TUBGCP3: variants seen among roughly 807,000 people sequenced by gnomAD.
TUBGCP3 encodes gamma-tubulin complex component 3.
A neutral mutation model predicts 123.1 loss-of-function variants in TUBGCP3; 50 were observed. The ratio of observed to expected loss-of-function variants is 0.41; its 90% CI spans 0.32 to 0.51. The LOEUF (loss-of-function observed/expected upper bound fraction) is 0.51. Among genes scored for constraint, TUBGCP3 ranks in the 20% least tolerant of loss-of-function variants. The pLI is 0.36. For missense variants in TUBGCP3, 882 were observed against 1,127.0 expected, an observed-to-expected ratio of 0.78 and a Z score of 3.11; for synonymous variants, 405 against 413.9, an observed-to-expected ratio of 0.98 and a Z score of 0.26.
intron 11 of TUBGCP3, among the ~76,000 whole-genome samples, chr13:112,539,672 G>A (rs1878341853): frequency 6.6e-6 from 1 of 152,186 alleles, no homozygotes; most frequent in Non-Finnish European, 1.5e-5. Context: ...AGTAAATACA[G>A]AACCTTTAAA....
At chr13:112,574,882 A>G (rs779993944) in intron 1 of TUBGCP3, among the ~76,000 whole-genome samples, 49 of 152,220 alleles carry the variant, frequency 3.2e-4, no homozygotes, top group Non-Finnish European at 7.1e-4. Context: ...CAAACCACAA[A>G]CAGGCAAAGA....
chr13:112,534,142 G>C (rs1877827648), intron 11 of TUBGCP3, among the ~76,000 whole-genome samples: 1 of 152,158 alleles, frequency 6.6e-6, no homozygotes, highest in East Asian at 1.9e-4. Flanking sequence ...CCCGACTCCG[G>C]GGGCTGCTGC....
chr13:112,485,469 A>G lies in TUBGCP3; in HGVS notation c.*524T>C, dbSNP rs1879594008. The G allele has an allele frequency of 6.5e-6, 1 of 152,728 alleles. No homozygotes were observed. The highest frequency in any genetic ancestry group is 2.4e-5 in the African/African-American group (1 of 41,478). The allele number at this position is 152,728 out of a possible 1,614,324, so 9.5% of individuals were successfully genotyped here. The stretch of plus-strand genomic sequence containing the variant: ...TGCATTAAGATACAAAGGATCTCAC[A>G]GAGGTTAATATTTTACAACACTAAA... On this transcript the variant is annotated 3_prime_UTR_variant, in exon 22 of 22. Transcript: ENST00000261965.
At chr13:112,543,896 A>T (rs1374850864) in intron 11 of TUBGCP3, among the ~76,000 whole-genome samples, 2 of 152,232 alleles carry the variant, frequency 1.3e-5, no homozygotes, top group African/African-American at 4.8e-5. Context: ...GGCAAAGGAA[A>T]CTAACAGGTA....
intron 6 of TUBGCP3, 69 bp from the exon 7 acceptor site, chr13:112,555,074 C>T: frequency 2.1e-6 from 2 of 954,760 alleles, no homozygotes; most frequent in Non-Finnish European, 3.2e-6. Context: ...TATTATGGTG[C>T]AATTAGCTTC....
chr13:112,533,554 T>A (rs1307735523), intron 11 of TUBGCP3, among the ~76,000 whole-genome samples: 1 of 151,900 alleles, frequency 6.6e-6, no homozygotes, highest in Non-Finnish European at 1.5e-5. Context: ...TATCTGAAAT[T>A]TATCTCTTCC....
intron 21 of TUBGCP3, among the ~76,000 whole-genome samples, chr13:112,487,701 C>T (rs761191565): frequency 1.1e-4 from 17 of 152,186 alleles, no homozygotes; most frequent in African/African-American, 2.2e-4. Flanking sequence ...TGCCTGTTCA[C>T]GGAACATGAC....
At chr13:112,595,959 A>G in the TUBGCP3 span, among the ~76,000 whole-genome samples, 3 of 152,118 alleles carry the variant, frequency 2.0e-5, no homozygotes, top group African/African-American at 7.2e-5. Flanking sequence ...TTCCCAGTGC[A>G]TCTTTTTTGA....
Position 112,587,971 on chromosome 13 carries a change from G to T in TUBGCP3, c.10C>A (p.Pro4Thr). The change falls in exon 1 of 22, where the codon CCG (proline) becomes ACG (threonine). Residue 4 changes from proline to threonine, a missense_variant. Pro to Thr is a conservative substitution (Grantham distance 38, BLOSUM62 -1). Around this residue, in one of 3 missense-constraint regions of TUBGCP3, gnomAD observed 713 missense variants for 874.0 expected, o/e 0.82. Transcript: ENST00000261965. ...AGAACGTTCGGCGACTTCTGGTCCG[G>T]GGTCGCCATCCTCGCCCGGAGCCGT... Reference protein sequence around the residue: MATPDQKSPNVLLQ... With the variant: MATTDQKSPNVLLQ... The T allele has an allele frequency of 6.3e-7, 1 of 1,587,686 alleles. No homozygotes were observed.
At chr13:112,497,383 G>C (rs1258572555) in intron 20 of TUBGCP3, among the ~76,000 whole-genome samples, 2 of 152,158 alleles carry the variant, frequency 1.3e-5, no homozygotes, top group Non-Finnish European at 2.9e-5. Flanking sequence ...TGAATGATGA[G>C]AGCCCTTAGC....
At chr13:112,547,577 TCGCGCGTGGGAAAGA>T (rs1566567571) in intron 10 of TUBGCP3, 28 bp downstream of exon 10, 1 of 1,006,966 alleles carries the variant, frequency 9.9e-7, no homozygotes, top group Non-Finnish European at 1.3e-6. Context: ...CGTGGGAAAG[TCGCGCGTGGGAAAGA>T]CGTGCGTGGG....
At chr13:112,492,535 T>TC (rs1566527392) in intron 20 of TUBGCP3, among the ~76,000 whole-genome samples, 1 of 152,032 alleles carries the variant, frequency 6.6e-6, no homozygotes, top group Admixed American at 6.6e-5. Context: ...TGACCACCTC[T>TC]CCCCCCAGAG....
At chr13:112,599,659 A>C in the TUBGCP3 span, among the ~76,000 whole-genome samples, 1 of 151,580 alleles carries the variant, frequency 6.6e-6, no homozygotes, top group African/African-American at 2.4e-5. Flanking sequence ...GGCGCATGCC[A>C]CCAGGCCCGC....
At chr13:112,518,614 A>T (rs896435855) in intron 16 of TUBGCP3, among the ~76,000 whole-genome samples, 1 of 152,232 alleles carries the variant, frequency 6.6e-6, no homozygotes, top group Non-Finnish European at 1.5e-5. Flanking sequence ...TCTAAGTAGT[A>T]AAAATATGAT....
At chr13:112,551,471 A>G (rs1286939442) in intron 8 of TUBGCP3, among the ~76,000 whole-genome samples, 1 of 152,248 alleles carries the variant, frequency 6.6e-6, no homozygotes. Context: ...ATTAGGGCAC[A>G]CGGTCACCCC....
At chr13:112,502,166 T>C (rs979320213) in intron 19 of TUBGCP3, among the ~76,000 whole-genome samples, 1 of 152,236 alleles carries the variant, frequency 6.6e-6, no homozygotes, top group African/African-American at 2.4e-5. Context: ...AACATTATAC[T>C]TGAATTATAC....
chr13:112,571,633 G>A (rs1881402929), intron 1 of TUBGCP3, among the ~76,000 whole-genome samples: 1 of 152,156 alleles, frequency 6.6e-6, no homozygotes, highest in Non-Finnish European at 1.5e-5. Context: ...CTGAAGGAAG[G>A]CACTAACTTC....
In TUBGCP3 at chr13:112,520,030, A is replaced by T. The variant is rs773748036; in HGVS notation, c.1746-9T>A. The T allele has an allele frequency of 1.2e-6, 2 of 1,601,620 alleles. No individual in the cohort carries two copies. Among genetic ancestry groups the T allele is most frequent in the Non-Finnish European group, 1.7e-6 (2 of 1,175,406 alleles). On this transcript the variant is annotated splice_polypyrimidine_tract_variant and intron_variant, in intron 14 of 21. Coordinates refer to ENST00000261965, the MANE Select transcript of TUBGCP3 (RefSeq NM_006322.6). ...GACGGACAAGTTCTGGTCTTAACAA[A>T]TTTTTTAAAAATTAAAGAAAATATT...
chr13:112,503,554 G>C (rs1430941103), intron 19 of TUBGCP3, among the ~76,000 whole-genome samples: 4 of 152,202 alleles, frequency 2.6e-5, no homozygotes, highest in East Asian at 1.9e-4. Flanking sequence ...TTTTAGTAGA[G>C]ACAGGGTTTC....
Sources: gnomAD v4.1 joint callset for allele counts (sites outside exome capture counted in the v4.1 genomes callset) on GRCh38, gnomAD v4.1.1 for gene constraint, gnomAD v4.1.1 regional missense constraint, MANE v1.5 for transcripts, NCBI Gene and HGNC (gene_info 2026-07-23, HGNC 2026-07-21) for gene names.